The following ERI3 variants were observed in gnomAD, a reference collection of about 807,000 sequenced individuals.
ERI3 encodes the protein ERI1 exoribonuclease family member 3.
A neutral mutation model predicts 44.4 loss-of-function variants in ERI3; 18 were observed. The observed-to-expected ratio is 0.41, with a 90% confidence interval of 0.28 to 0.60. The LOEUF (loss-of-function observed/expected upper bound fraction) is 0.60. ERI3 is among the 20% of genes least tolerant of loss of function. The pLI is 0.36. For synonymous variants in ERI3, 183 were observed against 164.8 expected (o/e 1.11, Z -0.84); for missense variants, 294 against 435.5 (o/e 0.68, Z 2.89).
intron 2 of ERI3, among the ~76,000 whole-genome samples, chr1:44,345,924 TG>T (rs1646774069): frequency 6.6e-6 from 1 of 152,222 alleles, no homozygotes; most frequent in Admixed American, 6.5e-5. Flanking sequence ...CTCAGGCTAC[TG>T]CTCCAACACA....
In ERI3 at chr1:44,221,477, C is replaced by G; in HGVS notation, c.*81G>C. 1 of 1,176,604 alleles carries G rather than the reference C, an allele frequency of 8.5e-7. No individual in the cohort carries two copies. The highest frequency in any genetic ancestry group is 1.2e-5 in the South Asian group (1 of 80,170). The allele number at this position is 1,176,604 out of a possible 1,614,324, so 72.9% of individuals were successfully genotyped here. A position where few individuals can be genotyped will look rare whatever the true frequency, so the allele number is the denominator to read the frequency against. ...GACACAGAGCTATGCCACTCTCCCT[C>G]TTCCCCTCTGGTGAGGGAGAGGAGG... On this transcript the variant is annotated 3_prime_UTR_variant, in exon 9 of 9. Transcript: ENST00000372257. This position sits in a 1 kb window ranked among gnomAD's most constrained non-coding sequence, Gnocchi z 5.9.
chr1:44,277,066 G>A (rs528902928), intron 7 of ERI3, among the ~76,000 whole-genome samples: 141 of 152,228 alleles, frequency 9.3e-4, no homozygotes, highest in Admixed American at 1.7e-3. Context: ...AACTCTCCCA[G>A]CCCTTCCCTA....
chr1:44,340,120 T>C (rs1646622253), intron 2 of ERI3, among the ~76,000 whole-genome samples: 2 of 146,924 alleles, frequency 1.4e-5, no homozygotes, highest in African/African-American at 2.5e-5. Flanking sequence ...TGGCTAAAAG[T>C]CTAGTAAAGT....
At chr1:44,222,337 C>T (rs990899688) in intron 8 of ERI3, among the ~76,000 whole-genome samples, 11 of 152,208 alleles carry the variant, frequency 7.2e-5, no homozygotes, top group Non-Finnish European at 1.0e-4. Flanking sequence ...GGCCATCAGC[C>T]GTCTACCAAA....
intron 6 of ERI3, among the ~76,000 whole-genome samples, chr1:44,302,033 A>C (rs1645736734): frequency 6.6e-6 from 1 of 152,168 alleles, no homozygotes; most frequent in Admixed American, 6.5e-5. Flanking sequence ...TGCCCAATTC[A>C]CTAAGAGAGC....
At chr1:44,289,995 T>C (rs1485528891) in intron 6 of ERI3, among the ~76,000 whole-genome samples, 1 of 152,228 alleles carries the variant, frequency 6.6e-6, no homozygotes, top group Non-Finnish European at 1.5e-5. Flanking sequence ...CATGCTTTCA[T>C]CTCTTTAAGA....
chr1:44,304,275 G>A (rs1645788088), intron 6 of ERI3, among the ~76,000 whole-genome samples: 1 of 152,090 alleles, frequency 6.6e-6, no homozygotes, highest in Admixed American at 6.5e-5. Context: ...TGAAGCTATG[G>A]CAAAGACGAG....
intron 4 of ERI3, among the ~76,000 whole-genome samples, chr1:44,314,770 G>A (rs184161706): frequency 1.4e-4 from 22 of 152,274 alleles, no homozygotes; most frequent in African/African-American, 5.1e-4. Flanking sequence ...AGCCTACTAC[G>A]GGCTGGGCCG....
rs142701180 is a variant in ERI3 at position 44,251,981 on chromosome 1, G to A, written c.832-3943C>T. Among the ~76,000 whole-genome samples the A allele has an allele frequency of 1.8e-3, 280 of 152,302 alleles. 2 individuals carry two copies. Among genetic ancestry groups the A allele is most frequent in the Middle Eastern group, 3.4e-3 (1 of 294 alleles). The stretch of plus-strand genomic sequence containing the variant: ...GAGCTCTCTCCAAGAGCTTGTGCCC[G>A]AGCCTGTTTCCCAAAGCTGCTTCCA... On this transcript the variant is annotated intron_variant, in intron 7 of 8. Coordinates refer to ENST00000372257, the MANE Select transcript of ERI3 (RefSeq NM_024066.3).
chr1:44,235,841 T>C lies in ERI3; in HGVS notation c.931+12098A>G, dbSNP rs1644291786. 6.6e-6 allele frequency among the ~76,000 whole-genome samples: 1 copy of C among 152,126 alleles called. No individual in the cohort carries two copies. The highest frequency in any genetic ancestry group is 1.5e-5 in the Non-Finnish European group (1 of 68,002). Reference sequence around the variant, plus strand: ...CAGTCAAGGGTGGCAGTGGTGGTGCTGGGGCGCCCCAGTCCTAGCCAGTGA... The same window carrying C: ...CAGTCAAGGGTGGCAGTGGTGGTGCCGGGGCGCCCCAGTCCTAGCCAGTGA... On this transcript the variant is annotated intron_variant, in intron 8 of 8. Transcript: ENST00000372257. The surrounding 1 kb of genome is among the most constrained non-coding windows in gnomAD (Gnocchi z 4.6).
At chr1:44,260,678 T>C (rs1644875808) in intron 7 of ERI3, among the ~76,000 whole-genome samples, 1 of 152,206 alleles carries the variant, frequency 6.6e-6, no homozygotes, top group Admixed American at 6.5e-5. Context: ...GGGACTTTAC[T>C]GGATTTCTTA....
intron 8 of ERI3, among the ~76,000 whole-genome samples, chr1:44,223,568 A>G (rs879750378): frequency 2.6e-5 from 4 of 152,156 alleles, no homozygotes; most frequent in Admixed American, 6.5e-5. Context: ...GTTATCTGCA[A>G]TTACCCAGCG....
chr1:44,258,673 G>C (rs1367507408), intron 7 of ERI3, among the ~76,000 whole-genome samples: 1 of 152,170 alleles, frequency 6.6e-6, no homozygotes, highest in Non-Finnish European at 1.5e-5. Flanking sequence ...GACCCACACG[G>C]CCTTCAGTGG....
rs534570808 is a variant in ERI3, at chr1:44,226,926, T to C, written c.932-5286A>G. On this transcript the variant is annotated intron_variant, in intron 8 of 8. Coordinates refer to ENST00000372257, the MANE Select transcript of ERI3 (RefSeq NM_024066.3). ...TAAGAAATAAAAACTCTAACTTTTT[T>C]CCCCCTAATAGCCAATTGTCCTACC... Among the ~76,000 whole-genome samples, 16 of 152,246 alleles carry C rather than the reference T, an allele frequency of 1.1e-4. 2 individuals are homozygous for C. Among genetic ancestry groups the C allele is most frequent in the African/African-American group, 3.4e-4 (14 of 41,540 alleles).
chr1:44,255,458 T>G (rs1167457621), intron 7 of ERI3, among the ~76,000 whole-genome samples: 1 of 152,226 alleles, frequency 6.6e-6, no homozygotes, highest in African/African-American at 2.4e-5. Flanking sequence ...CGTATCTGTG[T>G]ACTCACCCAC....
intron 8 of ERI3, among the ~76,000 whole-genome samples, chr1:44,224,043 A>C (rs1447098755): frequency 6.6e-6 from 1 of 152,068 alleles, no homozygotes; most frequent in African/African-American, 2.4e-5. Context: ...AATCCACCCA[A>C]AATGCCCAAA....
intron 7 of ERI3, among the ~76,000 whole-genome samples, chr1:44,278,745 G>T (rs1037588592): frequency 2.0e-5 from 3 of 151,896 alleles, no homozygotes; most frequent in African/African-American, 4.8e-5. Context: ...GATTACAGGC[G>T]CCCGCCACCA....
intron 3 of ERI3, among the ~76,000 whole-genome samples, chr1:44,336,378 GC>G (rs1484144553): frequency 1.3e-5 from 2 of 152,220 alleles, no homozygotes; most frequent in Non-Finnish European, 2.9e-5. Context: ...GTTTCAACCT[GC>G]CGTCCCTTTC....
intron 6 of ERI3, among the ~76,000 whole-genome samples, chr1:44,287,270 A>G (rs1645412940): frequency 6.6e-6 from 1 of 152,170 alleles, no homozygotes; most frequent in East Asian, 1.9e-4. Flanking sequence ...AAAGAGTGAG[A>G]GATAAGACAG....
Sources: gnomAD v4.1 joint callset for allele counts (sites outside exome capture counted in the v4.1 genomes callset) on GRCh38, gnomAD v4.1.1 for gene constraint, Gnocchi (gnomAD v3.1) non-coding constraint, MANE v1.5 for transcripts, NCBI Gene and HGNC (gene_info 2026-07-23, HGNC 2026-07-21) for gene names.